Variants in NUDCD3 observed in about 807,000 individuals in gnomAD.
The protein encoded by NUDCD3 is nudC domain-containing protein 3.
A neutral mutation model predicts 39.7 loss-of-function variants in NUDCD3; 13 were observed. The observed-to-expected ratio is 0.33, with a 90% CI of 0.21 to 0.52. NUDCD3 has a LOEUF of 0.52. NUDCD3 is among the 20% of genes least tolerant of loss of function. NUDCD3 has a pLI of 0.96. For synonymous variants in NUDCD3, 175 were observed against 172.4 expected, an observed-to-expected ratio of 1.02 and a Z score of -0.12; for missense variants, 453 against 458.1, an observed-to-expected ratio of 0.99 and a Z score of 0.10.
chr7:44,472,404 G>C (rs892465076), intron 2 of NUDCD3, among the ~76,000 whole-genome samples: 1 of 152,098 alleles, frequency 6.6e-6, no homozygotes, highest in African/African-American at 2.4e-5. Context: ...AGAACATAAA[G>C]CAAGACTTGA....
chr7:44,403,869 G>T (rs1479781013), intron 4 of NUDCD3, among the ~76,000 whole-genome samples: 4 of 152,140 alleles, frequency 2.6e-5, no homozygotes, highest in Non-Finnish European at 5.9e-5. Context: ...TTATCTGTAG[G>T]TGACCTCCAC....
Position 44,440,496 on chromosome 7 carries a change from G to GAAAAAAAA in NUDCD3, c.510-12801_510-12794dup, listed in dbSNP as rs72065068. 4.2e-3 allele frequency among the ~76,000 whole-genome samples: 201 copies of GAAAAAAAA among 48,382 alleles called. 3 individuals are homozygous for GAAAAAAAA. The highest frequency in any genetic ancestry group is 0.015 in the Middle Eastern group (1 of 66). 31.7% of individuals were successfully genotyped at this position (48,382 alleles called of 152,430 possible). ...AACTAGTGAGAAAACCAGAAAAATT[G>GAAAAAAAA]AAAAAAAAAAAAAAAAAAAAGCCTG... On this transcript the variant is annotated intron_variant, in intron 2 of 5. Coordinates refer to ENST00000355451, the MANE Select transcript of NUDCD3 (RefSeq NM_015332.4).
chr7:44,475,462 A>G (rs1329629628), intron 2 of NUDCD3, among the ~76,000 whole-genome samples: 4 of 152,234 alleles, frequency 2.6e-5, no homozygotes, highest in Non-Finnish European at 5.9e-5. Flanking sequence ...GTTTACATGC[A>G]TAAGAAAAAA....
chr7:44,452,151 T>G (rs1799805699), intron 2 of NUDCD3, among the ~76,000 whole-genome samples: 1 of 151,896 alleles, frequency 6.6e-6, no homozygotes, highest in African/African-American at 2.4e-5. Context: ...GGAGTTAGAG[T>G]CCCAGGGATG....
At chr7:44,465,526 G>GCACTTC (rs1457042618) in intron 2 of NUDCD3, among the ~76,000 whole-genome samples, 14 of 152,188 alleles carry the variant, frequency 9.2e-5, no homozygotes, top group African/African-American at 3.1e-4. Flanking sequence ...AGAACTCTCT[G>GCACTTC]CACTTCCTGC....
intron 5 of NUDCD3, among the ~76,000 whole-genome samples, chr7:44,391,875 C>T (rs562575425): frequency 6.6e-6 from 1 of 152,320 alleles, no homozygotes; most frequent in African/African-American, 2.4e-5. Context: ...ACATGCTGGC[C>T]TCCAACATCC....
intron 2 of NUDCD3, among the ~76,000 whole-genome samples, chr7:44,440,178 G>A (rs903445454): frequency 2.0e-5 from 3 of 152,140 alleles, no homozygotes; most frequent in Non-Finnish European, 2.9e-5. Context: ...CCAAGCAAAC[G>A]TCACAGTAAT....
At chr7:44,394,373 G>T (rs550452527) in intron 4 of NUDCD3, among the ~76,000 whole-genome samples, 1 of 152,320 alleles carries the variant, frequency 6.6e-6, no homozygotes, top group South Asian at 2.1e-4. Flanking sequence ...TACAGTTTGT[G>T]TGACGGGGAC....
rs758222272 is a variant in NUDCD3 at position 44,392,339 on chromosome 7, G to C, written c.933C>G (p.Asp311Glu). ...EQAVLDRLTF[D>E]YHQKLQGKPQ... ...GCTTGCCCTGCAGCTTCTGGTGGTA[G>C]TCAAAGGTAAGCCTGTCCAACACCG... The change falls in exon 5 of 6, where the codon GAC (aspartate) becomes GAG (glutamate). Residue 311 changes from aspartate (D) to glutamate (E), a missense_variant. By Grantham distance (45) the Asp-to-Glu change is conservative. Coordinates refer to ENST00000355451, the MANE Select transcript of NUDCD3 (RefSeq NM_015332.4). 6.2e-7 allele frequency: 1 copy of C among 1,614,188 alleles called. No homozygotes were observed. The highest frequency in any genetic ancestry group is 1.1e-5 in the South Asian group (1 of 91,080).
At chr7:44,476,335 A>G (rs1308523293) in intron 2 of NUDCD3, among the ~76,000 whole-genome samples, 1 of 152,128 alleles carries the variant, frequency 6.6e-6, no homozygotes, top group Non-Finnish European at 1.5e-5. Flanking sequence ...GTCCCTCCAA[A>G]ATTCATGTTA....
intron 5 of NUDCD3, among the ~76,000 whole-genome samples, chr7:44,387,897 G>A (rs1251903333): frequency 6.6e-6 from 1 of 152,136 alleles, no homozygotes. Context: ...TACTGTTAGG[G>A]TGAATCCTAC....
At chr7:44,454,371 G>T (rs1449208179) in intron 2 of NUDCD3, among the ~76,000 whole-genome samples, 2 of 152,100 alleles carry the variant, frequency 1.3e-5, no homozygotes, top group Non-Finnish European at 1.5e-5. Flanking sequence ...AAACTCCCAT[G>T]TCAAAATAGT....
chr7:44,454,538 G>A (rs560344009), intron 2 of NUDCD3, among the ~76,000 whole-genome samples: 1 of 152,298 alleles, frequency 6.6e-6, no homozygotes, highest in East Asian at 1.9e-4. Flanking sequence ...ACCTCCGTGA[G>A]CTATGCCAGC....
At chr7:44,415,226 G>A (rs997473766) in intron 3 of NUDCD3, among the ~76,000 whole-genome samples, 2 of 152,156 alleles carry the variant, frequency 1.3e-5, no homozygotes, top group African/African-American at 2.4e-5. Flanking sequence ...CCAATTCTGT[G>A]ATTCAATGAA....
intron 2 of NUDCD3, among the ~76,000 whole-genome samples, chr7:44,435,332 T>C (rs575540412): frequency 1.8e-4 from 28 of 152,216 alleles, no homozygotes; most frequent in Non-Finnish European, 2.6e-4. Context: ...CCGTCTTCCT[T>C]ACAAGTGGGG....
chr7:44,438,714 C>A (rs544729038), intron 2 of NUDCD3, among the ~76,000 whole-genome samples: 2 of 152,140 alleles, frequency 1.3e-5, no homozygotes, highest in African/African-American at 4.8e-5. Flanking sequence ...GTCCCCAGAA[C>A]AGTATTTTTC....
intron 4 of NUDCD3, among the ~76,000 whole-genome samples, chr7:44,395,980 G>C (rs953000845): frequency 6.6e-6 from 1 of 151,978 alleles, no homozygotes; most frequent in Non-Finnish European, 1.5e-5. Context: ...ACTTTTTGAG[G>C]AACTACCATA....
At position 44,490,589 on chromosome 7, in the gene NUDCD3, C is replaced by T. The variant is rs1156957378; in HGVS notation, c.12G>A (p.Gly4=). The change falls in exon 1 of 6, where the codon GGG becomes GGA. Residue 4 remains glycine, a synonymous_variant. Coordinates refer to ENST00000355451, the MANE Select transcript of NUDCD3 (RefSeq NM_015332.4). MET[G]AAELYDQALL... The stretch of plus-strand genomic sequence containing the variant: ...GGGCCTGGTCATACAGCTCGGCCGC[C>T]CCTGTCTCCATGTCGCCTCCCGCCC... The T allele has an allele frequency of 1.9e-6, 3 of 1,608,360 alleles. No individual in the cohort carries two copies. The highest frequency in any genetic ancestry group is 2.5e-6 in the Non-Finnish European group (3 of 1,177,526).
At chr7:44,409,848 T>C (rs981757168) in intron 3 of NUDCD3, among the ~76,000 whole-genome samples, 6 of 152,132 alleles carry the variant, frequency 3.9e-5, no homozygotes, top group Non-Finnish European at 8.8e-5. Context: ...TACCATTTTT[T>C]TAAGAATCAA....
Sources: gnomAD v4.1 joint callset for allele counts (sites outside exome capture counted in the v4.1 genomes callset) on GRCh38, gnomAD v4.1.1 for gene constraint, MANE v1.5 for transcripts, NCBI Gene and HGNC (gene_info 2026-07-23, HGNC 2026-07-21) for gene names.